CFAP299: variants seen among roughly 807,000 people sequenced by gnomAD.
CFAP299 encodes the protein cilia- and flagella-associated protein 299.
Under a neutral mutation model 27.0 loss-of-function variants are expected in CFAP299, and 21 were observed. That is an observed-to-expected ratio of 0.78 (90% CI 0.55 to 1.12). The LOEUF (loss-of-function observed/expected upper bound fraction) is 1.12. Among genes scored for constraint, CFAP299 ranks in the 50% most tolerant of loss-of-function variants. The probability of loss-of-function intolerance (pLI) is 0.00; values close to 1 mark genes in which losing one functional copy is unlikely to be tolerated. For synonymous variants in CFAP299, 104 were observed against 98.1 expected (o/e 1.06, Z -0.36); for missense variants, 310 against 276.6 (o/e 1.12, Z -0.86).
intron 3 of CFAP299, among the ~76,000 whole-genome samples, chr4:80,630,627 C>T (rs573893084): frequency 2.6e-4 from 39 of 151,628 alleles, no homozygotes; most frequent in Admixed American, 1.3e-3. Context: ...CAAGGAAAGA[C>T]AAAGATATAA....
At chr4:80,421,694 C>A (rs1578424382) in intron 2 of CFAP299, among the ~76,000 whole-genome samples, 1 of 152,150 alleles carries the variant, frequency 6.6e-6, no homozygotes, top group Non-Finnish European at 1.5e-5. Context: ...CATGAATGAA[C>A]TTAAGGAGGT....
intron 3 of CFAP299, among the ~76,000 whole-genome samples, chr4:80,593,805 C>A (rs1191870888): frequency 6.6e-6 from 1 of 152,066 alleles, no homozygotes. Flanking sequence ...TGAGACTTTT[C>A]TTCTCTTCTA....
At chr4:80,659,767 T>C (rs1458645150) in intron 3 of CFAP299, among the ~76,000 whole-genome samples, 1 of 152,112 alleles carries the variant, frequency 6.6e-6, no homozygotes, top group Non-Finnish European at 1.5e-5. Flanking sequence ...TTATTTTCTA[T>C]AAATTAAGAA....
chr4:80,729,748 T>C (rs1334421347), intron 3 of CFAP299, among the ~76,000 whole-genome samples: 2 of 151,660 alleles, frequency 1.3e-5, no homozygotes, highest in Admixed American at 6.6e-5. Context: ...TACAGGCGCC[T>C]GCCACCACAC....
In CFAP299 at chr4:80,389,670, T is replaced by G. The variant is rs190909217; in HGVS notation, c.242+26786T>G. 3.9e-5 allele frequency among the ~76,000 whole-genome samples: 6 copies of G among 152,354 alleles called. No homozygotes were observed. In the South Asian group the frequency reaches 6.2e-4, roughly 16 times the overall value. Reference sequence around the variant, plus strand: ...AAAATAGACTGAATGATTCATATTCTGATACCACATTGGCTAACCGAGTTC... The same window carrying G: ...AAAATAGACTGAATGATTCATATTCGGATACCACATTGGCTAACCGAGTTC... On this transcript the variant is annotated intron_variant, in intron 2 of 5. Transcript: ENST00000358105.
At chr4:80,798,820 C>G (rs1728024020) in intron 3 of CFAP299, among the ~76,000 whole-genome samples, 1 of 151,936 alleles carries the variant, frequency 6.6e-6, no homozygotes, top group South Asian at 2.1e-4. Flanking sequence ...ACTAAACTAC[C>G]TGCCTCTCAC....
At chr4:80,783,352 C>A (rs1043932468) in intron 3 of CFAP299, among the ~76,000 whole-genome samples, 5 of 152,066 alleles carry the variant, frequency 3.3e-5, no homozygotes, top group African/African-American at 1.2e-4. Context: ...CAGGCAGGGA[C>A]CATTGGGGGC....
chr4:80,419,604 T>C (rs1480723483), intron 2 of CFAP299, among the ~76,000 whole-genome samples: 1 of 152,108 alleles, frequency 6.6e-6, no homozygotes, highest in Non-Finnish European at 1.5e-5. Flanking sequence ...CCAATTATTA[T>C]TTTACAGAGA....
At chr4:80,794,949 C>G (rs771018620) in intron 3 of CFAP299, among the ~76,000 whole-genome samples, 3 of 152,162 alleles carry the variant, frequency 2.0e-5, no homozygotes, top group Non-Finnish European at 4.4e-5. Flanking sequence ...CCAGGTCAAC[C>G]TTGGTGAGTG....
intron 4 of CFAP299, among the ~76,000 whole-genome samples, chr4:80,922,866 ATAT>A (rs1736113896): frequency 6.7e-6 from 1 of 149,100 alleles, no homozygotes; most frequent in Non-Finnish European, 1.5e-5. Context: ...ATATTTTAAA[ATAT>A]TATAAATATA....
chr4:80,391,868 A>G (rs572825825), intron 2 of CFAP299, among the ~76,000 whole-genome samples: 1 of 152,272 alleles, frequency 6.6e-6, no homozygotes, highest in South Asian at 2.1e-4. Flanking sequence ...CAGCCAGTGA[A>G]GAAAGCTAGG....
chr4:80,494,579 C>A (rs1430968126), intron 2 of CFAP299, among the ~76,000 whole-genome samples: 2 of 152,192 alleles, frequency 1.3e-5, no homozygotes, highest in African/African-American at 2.4e-5. Context: ...CCTCTGGCCA[C>A]CCTAGCCTCC....
intron 5 of CFAP299, among the ~76,000 whole-genome samples, chr4:80,959,854 A>G (rs1309976788): frequency 1.3e-5 from 2 of 151,962 alleles, no homozygotes; most frequent in Non-Finnish European, 2.9e-5. Context: ...TGGACATTTG[A>G]TTAAAATAAG....
At chr4:80,948,594 T>TA (rs1157742708) in intron 5 of CFAP299, among the ~76,000 whole-genome samples, 1 of 152,068 alleles carries the variant, frequency 6.6e-6, no homozygotes, top group African/African-American at 2.4e-5. Flanking sequence ...CTTTGAGTCT[T>TA]ACCATAGCAT....
chr4:80,630,655 A>T (rs1303136971), intron 3 of CFAP299, among the ~76,000 whole-genome samples: 1 of 152,084 alleles, frequency 6.6e-6, no homozygotes, highest in Non-Finnish European at 1.5e-5. Flanking sequence ...TGCTGTATAT[A>T]TGTTTAATTA....
chr4:80,799,910 A>AAT (rs1215601548), intron 3 of CFAP299, among the ~76,000 whole-genome samples: 7 of 44,146 alleles, frequency 1.6e-4, no homozygotes, highest in Admixed American at 4.5e-4. Context: ...ATTATAATAT[A>AAT]ATATATAATA....
chr4:80,817,169 A>T (rs531685547), intron 3 of CFAP299, among the ~76,000 whole-genome samples: 1 of 152,104 alleles, frequency 6.6e-6, no homozygotes, highest in African/African-American at 2.4e-5. Context: ...CCTTTGCCTC[A>T]ATTAGGACAT....
At chr4:80,707,579 C>A (rs1721896276) in intron 3 of CFAP299, among the ~76,000 whole-genome samples, 1 of 151,980 alleles carries the variant, frequency 6.6e-6, no homozygotes, top group African/African-American at 2.4e-5. Flanking sequence ...ACACCATAAG[C>A]AAAACATATT....
intron 3 of CFAP299, among the ~76,000 whole-genome samples, chr4:80,808,483 A>G (rs906611761): frequency 2.6e-5 from 4 of 152,148 alleles, no homozygotes; most frequent in Admixed American, 1.3e-4. Flanking sequence ...TTTAATTCAA[A>G]TATAGCTTCC....
Sources: gnomAD v4.1 joint callset for allele counts (sites outside exome capture counted in the v4.1 genomes callset) on GRCh38, gnomAD v4.1.1 for gene constraint, MANE v1.5 for transcripts, NCBI Gene and HGNC (gene_info 2026-07-23, HGNC 2026-07-21) for gene names.